Variants in ARHGEF10 observed in about 807,000 individuals in gnomAD.
The protein encoded by ARHGEF10 is Rho guanine nucleotide exchange factor (GEF) 10.
Under a neutral mutation model 147.4 loss-of-function variants are expected in ARHGEF10, and 140 were observed. The observed-to-expected ratio is 0.95, with a 90% CI of 0.83 to 1.09. ARHGEF10 has a LOEUF of 1.09. ARHGEF10 is among the 50% of genes least tolerant of loss of function. ARHGEF10 has a pLI of 0.00. For synonymous variants in ARHGEF10, 902 were observed against 695.8 expected (o/e 1.30, Z -4.67); for missense variants, 2,222 against 1,752.7 (o/e 1.27, Z -4.78).
intron 8 of ARHGEF10, among the ~76,000 whole-genome samples, chr8:1,878,864 T>G (rs571476083): frequency 1.4e-4 from 21 of 152,250 alleles, no homozygotes; most frequent in African/African-American, 4.6e-4. Context: ...ACAGTGGGTT[T>G]GTGGTGCAGA....
At chr8:1,850,376 G>A (rs1420834960) in intron 2 of ARHGEF10, among the ~76,000 whole-genome samples, 3 of 142,802 alleles carry the variant, frequency 2.1e-5, no homozygotes, top group Non-Finnish European at 4.5e-5. Context: ...GGGCGGCCGC[G>A]TGGGCATGGA....
At chr8:1,909,256 G>C in intron 17 of ARHGEF10, 39 bp from the exon 18 acceptor site, 1 of 1,613,864 alleles carries the variant, frequency 6.2e-7, no homozygotes, top group Admixed American at 1.7e-5. Flanking sequence ...ACGTGTTCAT[G>C]TAATTATTCG....
chr8:1,846,712 G>A (rs1047746933), intron 2 of ARHGEF10, among the ~76,000 whole-genome samples: 6 of 152,128 alleles, frequency 3.9e-5, no homozygotes, highest in Non-Finnish European at 1.5e-5. Context: ...GAGTAGCTGG[G>A]ATTATAGACA....
At chr8:1,922,521 C>T (rs958435118) in intron 18 of ARHGEF10, among the ~76,000 whole-genome samples, 2 of 152,150 alleles carry the variant, frequency 1.3e-5, no homozygotes, top group Admixed American at 1.3e-4. Flanking sequence ...TGAGAAACTC[C>T]CCCAGACTGG....
At chr8:1,868,056 A>G (rs1806770926) in intron 6 of ARHGEF10, among the ~76,000 whole-genome samples, 1 of 152,176 alleles carries the variant, frequency 6.6e-6, no homozygotes, top group Admixed American at 6.5e-5. Context: ...GATGGCAGTG[A>G]ATTGGAATAA....
At chr8:1,919,433 G>C (rs1488022802) in intron 18 of ARHGEF10, among the ~76,000 whole-genome samples, 1 of 134,646 alleles carries the variant, frequency 7.4e-6, no homozygotes, top group South Asian at 2.2e-4. Flanking sequence ...TGATGGAGCT[G>C]TTCCATGGGT....
At chr8:1,882,513 G>A (rs140241371) in intron 9 of ARHGEF10, 122 bp from the exon 10 acceptor site, 6 of 849,118 alleles carry the variant, frequency 7.1e-6, no homozygotes, top group East Asian at 2.7e-5. Flanking sequence ...GCCCAGAACT[G>A]CACGTGACAC....
rs1467962295 is a variant in ARHGEF10 at position 1,889,840 on chromosome 8, GGGTGAGGTTTGTGAGGAGACACTGAGTGT to G, written c.1183-3721_1183-3693del. On this transcript the variant is annotated intron_variant, in intron 11 of 28. Transcript: ENST00000349830. ...AGGGTTTGTGAGAAGACACTAGGTG[GGGTGAGGTTTGTGAGGAGACACTGAGTGT>G]GGTGAGGGTTTGTGAGGAGACACTG... 5.6e-5 allele frequency among the ~76,000 whole-genome samples: 8 copies of G among 143,804 alleles called. 1 individual carries two copies. Among genetic ancestry groups the G allele is most frequent in the African/African-American group, 1.1e-4 (4 of 36,852 alleles). 94.3% of individuals were successfully genotyped at this position (143,804 alleles called of 152,430 possible).
intron 2 of ARHGEF10, among the ~76,000 whole-genome samples, chr8:1,844,833 G>A (rs1804427798): frequency 2.0e-5 from 3 of 152,148 alleles, no homozygotes; most frequent in Admixed American, 2.0e-4. Flanking sequence ...TTGGGAGACT[G>A]AGGTGAGTGA....
rs370815249 is a variant in ARHGEF10, at chr8:1,894,554, C to T, written c.1422C>T (p.Gly474=). 27 of 1,614,100 alleles carry T rather than the reference C, an allele frequency of 1.7e-5. No individual in the cohort carries two copies. The African/African-American group carries it at 2.0e-4, about 12-fold the overall frequency. Residue 474 remains glycine, a synonymous_variant, in exon 13 of 29, where the codon GGC becomes GGT. Transcript: ENST00000349830. The part of the protein sequence containing the change: ...VSEWDSVEMI[G]DVFVASFSKS... ...AGTGGGACTCCGTGGAAATGATAGG[C>T]GATGTCTTCGTGGCTTCGGTAATTA...
At chr8:1,916,647 T>G (rs1171976287) in intron 18 of ARHGEF10, among the ~76,000 whole-genome samples, 4 of 152,212 alleles carry the variant, frequency 2.6e-5, no homozygotes, top group Non-Finnish European at 5.9e-5. Context: ...GGATCACTAC[T>G]GGTTCATAAC....
At chr8:1,933,581 C>T (rs971295661) in intron 25 of ARHGEF10, among the ~76,000 whole-genome samples, 4 of 151,748 alleles carry the variant, frequency 2.6e-5, no homozygotes, top group South Asian at 2.1e-4. Context: ...TTGAGGGCTG[C>T]GTGTCCCACA....
At chr8:1,890,909 G>A (rs1809476646) in intron 11 of ARHGEF10, among the ~76,000 whole-genome samples, 2 of 152,154 alleles carry the variant, frequency 1.3e-5, no homozygotes, top group Admixed American at 1.3e-4. Flanking sequence ...TATGGTTTCT[G>A]TAAAGGGTTT....
At chr8:1,931,590 G>A (rs1401556906) in intron 25 of ARHGEF10, among the ~76,000 whole-genome samples, 1 of 152,238 alleles carries the variant, frequency 6.6e-6, no homozygotes, top group Non-Finnish European at 1.5e-5. Context: ...GAAGCGCATA[G>A]CCTGCCACTT....
At chr8:1,938,068 C>T (rs1011885282) in intron 26 of ARHGEF10, among the ~76,000 whole-genome samples, 7 of 152,160 alleles carry the variant, frequency 4.6e-5, no homozygotes, top group Non-Finnish European at 8.8e-5. Context: ...CTGTCAGGGC[C>T]GTCAGGAGCA....
intron 18 of ARHGEF10, among the ~76,000 whole-genome samples, chr8:1,921,712 G>T (rs1812302400): frequency 6.6e-6 from 1 of 151,210 alleles, no homozygotes; most frequent in East Asian, 2.0e-4. Flanking sequence ...TGCAGCCTGG[G>T]GGACAAGAGC....
intron 26 of ARHGEF10, among the ~76,000 whole-genome samples, chr8:1,944,273 A>C (rs1284532354): frequency 1.3e-5 from 2 of 152,052 alleles, no homozygotes; most frequent in African/African-American, 2.4e-5. Context: ...TCGGGACCCC[A>C]GCCCTGCGTG....
chr8:1,842,781 C>T (rs150314339), intron 1 of ARHGEF10, among the ~76,000 whole-genome samples: 11 of 152,306 alleles, frequency 7.2e-5, no homozygotes, highest in Admixed American at 4.6e-4. Context: ...CTGGTGTCCT[C>T]GAAGCAGGGA....
intron 20 of ARHGEF10, 29 bp downstream of exon 20, chr8:1,923,624 C>G (rs747063857): frequency 6.2e-7 from 1 of 1,614,018 alleles, no homozygotes. Context: ...ACGAAACCTT[C>G]TTGGCCAATG....
Sources: allele counts gnomAD v4.1 joint callset (sites outside exome capture counted in the v4.1 genomes callset), GRCh38; gene constraint gnomAD v4.1.1; transcripts MANE v1.5; gene names NCBI Gene and HGNC (gene_info 2026-07-23, HGNC 2026-07-21).